THSD7A: variants seen among roughly 807,000 people sequenced by gnomAD.
The protein encoded by THSD7A is thrombospondin type-1 domain-containing protein 7A.
Under a neutral mutation model 231.3 loss-of-function variants are expected in THSD7A, and 96 were observed. That is an observed-to-expected ratio of 0.41 (90% CI 0.35 to 0.49). THSD7A has a LOEUF of 0.49. THSD7A is among the 20% of genes least tolerant of loss of function. The probability of loss-of-function intolerance (pLI) is 0.05; values close to 1 mark genes in which losing one functional copy is unlikely to be tolerated. For missense variants in THSD7A, 2,290 were observed against 2,070.2 expected, an observed-to-expected ratio of 1.11 and a Z score of -2.06; for synonymous variants, 940 against 743.3, an observed-to-expected ratio of 1.26 and a Z score of -4.30.
At chr7:11,508,194 A>G (rs914747172) in intron 6 of THSD7A, among the ~76,000 whole-genome samples, 25 of 152,348 alleles carry the variant, frequency 1.6e-4, no homozygotes, top group African/African-American at 4.8e-4. Context: ...TTGGATTACA[A>G]TTCAAGAGGA....
intron 23 of THSD7A, among the ~76,000 whole-genome samples, chr7:11,398,544 TA>T (rs1783279216): frequency 6.6e-6 from 1 of 151,760 alleles, no homozygotes; most frequent in Non-Finnish European, 1.5e-5. Context: ...AAAGTATAAT[TA>T]AAAAAAGAAA....
intron 4 of THSD7A, among the ~76,000 whole-genome samples, chr7:11,574,927 G>T (rs1790823655): frequency 6.6e-6 from 1 of 152,104 alleles, no homozygotes; most frequent in African/African-American, 2.4e-5. Flanking sequence ...ACCCTATACT[G>T]TATAGCACAG....
intron 16 of THSD7A, among the ~76,000 whole-genome samples, chr7:11,421,999 C>G (rs1784160409): frequency 6.6e-6 from 1 of 152,106 alleles, no homozygotes; most frequent in South Asian, 2.1e-4. Context: ...AAATTCTTGG[C>G]CTTTCTCCTT....
intron 1 of THSD7A, among the ~76,000 whole-genome samples, chr7:11,748,241 C>T (rs1000138029): frequency 6.6e-6 from 1 of 151,792 alleles, no homozygotes; most frequent in African/African-American, 2.4e-5. Context: ...GATGGAGTTA[C>T]TGACATGATT....
chr7:11,726,425 C>T (rs1309210771), intron 1 of THSD7A, among the ~76,000 whole-genome samples: 1 of 152,136 alleles, frequency 6.6e-6, no homozygotes, highest in African/African-American at 2.4e-5. Context: ...GTTCATTAGT[C>T]AGCTAACATG....
chr7:11,723,940 T>A (rs770935638), intron 1 of THSD7A, among the ~76,000 whole-genome samples: 1 of 151,880 alleles, frequency 6.6e-6, no homozygotes, highest in Non-Finnish European at 1.5e-5. Context: ...GATGGTTTCA[T>A]GCACTCTAGA....
chr7:11,803,383 G>A (rs1052007823), intron 1 of THSD7A, among the ~76,000 whole-genome samples: 13 of 152,108 alleles, frequency 8.5e-5, no homozygotes, highest in African/African-American at 3.1e-4. Flanking sequence ...CATAAGTTCT[G>A]CTTCAAAATT....
intron 1 of THSD7A, among the ~76,000 whole-genome samples, chr7:11,666,787 G>A (rs954978365): frequency 6.6e-6 from 1 of 151,342 alleles, no homozygotes; most frequent in Non-Finnish European, 1.5e-5. Context: ...TTTTTTAAAC[G>A]TGGAGGCTGA....
At chr7:11,684,968 A>C (rs1048355465) in intron 1 of THSD7A, among the ~76,000 whole-genome samples, 1 of 152,016 alleles carries the variant, frequency 6.6e-6, no homozygotes, top group African/African-American at 2.4e-5. Flanking sequence ...CTTAACTTCA[A>C]ATTACACTGC....
intron 1 of THSD7A, among the ~76,000 whole-genome samples, chr7:11,675,312 C>T (rs556508703): frequency 3.5e-4 from 53 of 152,204 alleles, no homozygotes; most frequent in African/African-American, 1.3e-3. Flanking sequence ...CCACAAGGGC[C>T]CTAGGTTTCA....
intron 23 of THSD7A, among the ~76,000 whole-genome samples, chr7:11,392,498 T>C (rs541823021): frequency 6.6e-6 from 1 of 152,094 alleles, no homozygotes; most frequent in Admixed American, 6.5e-5. Context: ...TTTTTTTTCA[T>C]ACCCAAGTGG....
rs553937651 is a variant in THSD7A at position 11,508,054 on chromosome 7, A to C, written c.1823-26072T>G. Among the ~76,000 whole-genome samples the C allele has an allele frequency of 2.4e-4, 37 of 152,236 alleles. 1 individual carries two copies. In the South Asian group the frequency reaches 7.7e-3, roughly 32 times the overall value. ...AGGAGAGAGAGAGAGAGCAGGAAAA[A>C]CTGCCATTTATAAAACCATCAGATC... On this transcript the variant is annotated intron_variant, in intron 6 of 27. Transcript: ENST00000423059.
chr7:11,401,088 A>G (rs1783386587), intron 23 of THSD7A, among the ~76,000 whole-genome samples: 1 of 152,216 alleles, frequency 6.6e-6, no homozygotes, highest in South Asian at 2.1e-4. Context: ...ATTTTTACCA[A>G]TAATTTGATT....
Position 11,543,134 on chromosome 7 carries a change from A to G in THSD7A, c.1454-17T>C, listed in dbSNP as rs993102414. On this transcript the variant is annotated splice_polypyrimidine_tract_variant and intron_variant, in intron 4 of 27. Transcript: ENST00000423059. Reference sequence around the variant, plus strand: ...GCTTTGAGGCTAGAGAAAAATACAGACACATATTAAAAAATGAACAAAAGG... The same window carrying G: ...GCTTTGAGGCTAGAGAAAAATACAGGCACATATTAAAAAATGAACAAAAGG... The G allele has an allele frequency of 6.3e-7, 1 of 1,597,800 alleles. No individual in the cohort carries two copies. Among genetic ancestry groups the G allele is most frequent in the African/African-American group, 1.3e-5 (1 of 74,234 alleles).
At chr7:11,765,141 T>G (rs1034336883) in intron 1 of THSD7A, among the ~76,000 whole-genome samples, 4 of 152,084 alleles carry the variant, frequency 2.6e-5, no homozygotes, top group Non-Finnish European at 4.4e-5. Context: ...AATGTGTAAA[T>G]AAGGTATAGA....
At position 11,383,667 on chromosome 7, in the gene THSD7A, A is replaced by C. The variant is rs145548387; in HGVS notation, c.4412-1051T>G. 3.6e-4 allele frequency: 55 copies of C among 151,394 alleles called. 1 individual carries two copies. The East Asian group carries it at 0.01, about 28-fold the overall frequency. The allele number at this position is 151,394 out of a possible 1,614,324, so 9.4% of individuals were successfully genotyped here. A position where few individuals can be genotyped will look rare whatever the true frequency, so the allele number is the denominator to read the frequency against. On this transcript the variant is annotated intron_variant, in intron 23 of 27. Transcript: ENST00000423059. The stretch of plus-strand genomic sequence containing the variant: ...GTATGGAAAGTTATCTTGTCATTTT[A>C]AATTAAAGTTCCTTGATTACTAAAG...
intron 4 of THSD7A, among the ~76,000 whole-genome samples, chr7:11,583,353 T>G (rs1791250321): frequency 6.6e-6 from 1 of 152,150 alleles, no homozygotes; most frequent in South Asian, 2.1e-4. Context: ...CTTGGCTAAC[T>G]GCAATCTCCA....
intron 16 of THSD7A, among the ~76,000 whole-genome samples, chr7:11,422,598 C>CAAAAAAAAAA (rs5882308): frequency 1.0e-5 from 1 of 97,868 alleles, no homozygotes; most frequent in Non-Finnish European, 2.1e-5. Flanking sequence ...ATTTACAAAG[C>CAAAAAAAAAA]AAAAAAAAAA....
intron 4 of THSD7A, among the ~76,000 whole-genome samples, chr7:11,561,850 AAAAAT>A (rs144300085): frequency 0.16 from 24,325 of 151,972 alleles, 1,940 homozygotes; most frequent in East Asian, 0.19. Context: ...CTCTGTGTCA[AAAAAT>A]AAAATAAAAT....
Sources: gnomAD v4.1 joint callset for allele counts (sites outside exome capture counted in the v4.1 genomes callset) on GRCh38, gnomAD v4.1.1 for gene constraint, MANE v1.5 for transcripts, NCBI Gene and HGNC (gene_info 2026-07-23, HGNC 2026-07-21) for gene names.